Variants in ADGRB2 observed in about 807,000 individuals in gnomAD.
ADGRB2 encodes adhesion G protein-coupled receptor B2.
A neutral mutation model predicts 178.7 loss-of-function variants in ADGRB2; 47 were observed. That is an observed-to-expected ratio of 0.26 (90% CI 0.21 to 0.34). ADGRB2 has a LOEUF of 0.34. Among genes scored for constraint, ADGRB2 ranks in the 10% least tolerant of loss-of-function variants. The pLI, the probability that ADGRB2 is intolerant of heterozygous loss-of-function variation, is 1.00. For missense variants in ADGRB2, 1,584 were observed against 2,180.8 expected, an observed-to-expected ratio of 0.73 and a Z score of 5.45; for synonymous variants, 870 against 912.4, an observed-to-expected ratio of 0.95 and a Z score of 0.84.
In ADGRB2 at chr1:31,733,136, G is replaced by A; in HGVS notation, c.3460C>T (p.Leu1154Phe). The A allele has an allele frequency of 6.3e-7, 1 of 1,580,060 alleles. No individual in the cohort carries two copies. The highest frequency in any genetic ancestry group is 8.6e-7 in the Non-Finnish European group (1 of 1,163,298). Residue 1154 changes from leucine to phenylalanine, a missense_variant, in exon 26 of 33, where the codon CTC (leucine) becomes TTC (phenylalanine). This residue lies in a region of ADGRB2 where 865 missense variants were observed against 1,192.8 expected (regional missense o/e 0.73). Transcript: ENST00000373658. The surrounding 1 kb of genome is among the most constrained non-coding windows in gnomAD (Gnocchi z 4.3). ...GGCAGCACCACGCAGGAGCTCCAGA[G>A]TGAGGCCCTGAGGGGACAGTGGCAG... is the stretch of plus-strand genomic sequence containing the variant. ...SASARNAMASLWSSCVVLPLL... is the reference protein window; with the variant it reads ...SASARNAMASFWSSCVVLPLL...
rs1646732788 is a variant in ADGRB2, at chr1:31,754,449, C to T, written c.838+1550G>A. Among the ~76,000 whole-genome samples the T allele has an allele frequency of 6.6e-6, 1 of 152,256 alleles. No homozygotes were observed. The highest frequency in any genetic ancestry group is 1.5e-5 in the Non-Finnish European group (1 of 68,042). On this transcript the variant is annotated intron_variant, in intron 4 of 32. Coordinates refer to ENST00000373658, the MANE Select transcript of ADGRB2 (RefSeq NM_001364857.2). This position sits in a 1 kb window ranked among gnomAD's most constrained non-coding sequence, Gnocchi z 5.7. Reference sequence around the variant, plus strand: ...GCAGTGGTGGCCATGCAGGAAGAGCCATAAGCCTCCTGATATACGCCTGGC... The same window carrying T: ...GCAGTGGTGGCCATGCAGGAAGAGCTATAAGCCTCCTGATATACGCCTGGC...
At position 31,735,372 on chromosome 1, in the gene ADGRB2, G is replaced by A. The variant is rs1488474778; in HGVS notation, c.3354-91C>T. On this transcript the variant is annotated intron_variant, in intron 24 of 32. Coordinates refer to ENST00000373658, the MANE Select transcript of ADGRB2 (RefSeq NM_001364857.2). This position sits in a 1 kb window ranked among gnomAD's most constrained non-coding sequence, Gnocchi z 6.0. ...ATGAGCCCCGAGTGGGGTGGGAGGG[G>A]AGGGCAGACGAGAGAGAGAGAGCTG... is the stretch of plus-strand genomic sequence containing the variant. 1.0e-6 allele frequency: 1 copy of A among 956,364 alleles called. No individual in the cohort carries two copies. Among genetic ancestry groups the A allele is most frequent in the Non-Finnish European group, 1.6e-6 (1 of 620,790 alleles). 59.2% of individuals were successfully genotyped at this position (956,364 alleles called of 1,614,324 possible). A position where few individuals can be genotyped will look rare whatever the true frequency, so the allele number is the denominator to read the frequency against.
intron 4 of ADGRB2, among the ~76,000 whole-genome samples, chr1:31,748,466 G>T (rs1348401701): frequency 6.6e-6 from 1 of 152,280 alleles, no homozygotes; most frequent in Non-Finnish European, 1.5e-5. Flanking sequence ...AAGAGCAGAG[G>T]TGTCATTTAC....
rs1489480941 is a variant in ADGRB2, at chr1:31,744,341, C to T, written c.939G>A (p.Glu313=). 1.3e-6 allele frequency: 2 copies of T among 1,550,838 alleles called. No homozygotes were observed. The highest frequency in any genetic ancestry group is 1.7e-6 in the Non-Finnish European group (2 of 1,146,886). ...YMAQTGDPAA[E]EWSPWSVCSL... ...AACACACGCTCCACGGGGACCACTC[C>T]TCAGCCGCCGGGTCGCCTACGAGAG... Residue 313 remains glutamate, a synonymous_variant, in exon 6 of 33, where the codon GAG becomes GAA. Transcript: ENST00000373658. The surrounding 1 kb of genome is among the most constrained non-coding windows in gnomAD (Gnocchi z 6.7).
intron 4 of ADGRB2, among the ~76,000 whole-genome samples, chr1:31,748,054 T>C (rs12037019): frequency 0.14 from 20,867 of 152,192 alleles, 2,959 homozygotes; most frequent in African/African-American, 0.36. Context: ...GCCCACCAAA[T>C]GCGGACACGT....
In ADGRB2 at chr1:31,756,964, G is replaced by T; in HGVS notation, c.22-149C>A. 9.3e-7 allele frequency: 1 copy of T among 1,077,410 alleles called. No individual in the cohort carries two copies. The highest frequency in any genetic ancestry group is 1.3e-6 in the Non-Finnish European group (1 of 759,502). The allele number at this position is 1,077,410 out of a possible 1,614,324, so 66.7% of individuals were successfully genotyped here. A position where few individuals can be genotyped will look rare whatever the true frequency, so the allele number is the denominator to read the frequency against. On this transcript the variant is annotated intron_variant, in intron 3 of 32. Coordinates refer to ENST00000373658, the MANE Select transcript of ADGRB2 (RefSeq NM_001364857.2). This position sits in a 1 kb window ranked among gnomAD's most constrained non-coding sequence, Gnocchi z 8.5. ...GTCCACCTGTGTGAACTTAGACAAGGGACTTGACCTCTCTGAGCCTCAGTT... is the reference window on the plus strand; with the variant it reads ...GTCCACCTGTGTGAACTTAGACAAGTGACTTGACCTCTCTGAGCCTCAGTT...
chr1:31,733,298 T>C lies in ADGRB2; in HGVS notation c.3453-155A>G, dbSNP rs1645391862. ...GTAATGTCCCCAAGCAGAGAGGGGC[T>C]GAGGAGCCAGAGCCAGAGAAACAGA... On this transcript the variant is annotated intron_variant, in intron 25 of 32. Transcript: ENST00000373658. The surrounding 1 kb of genome is among the most constrained non-coding windows in gnomAD (Gnocchi z 4.3). 6.6e-6 allele frequency among the ~76,000 whole-genome samples: 1 copy of C among 151,750 alleles called. No homozygotes were observed. Among genetic ancestry groups the C allele is most frequent in the African/African-American group, 2.4e-5 (1 of 41,260 alleles).
chr1:31,760,959 C>T (rs1178618232), intron 1 of ADGRB2: 1 of 151,764 alleles, frequency 6.6e-6, no homozygotes, highest in Non-Finnish European at 1.5e-5. Flanking sequence ...GGGGTTCCTC[C>T]TTAAGGAGGA....
rs901757474 is a variant in ADGRB2 at position 31,755,250 on chromosome 1, G to C, written c.838+749C>G. On this transcript the variant is annotated intron_variant, in intron 4 of 32. Coordinates refer to ENST00000373658, the MANE Select transcript of ADGRB2 (RefSeq NM_001364857.2). The surrounding 1 kb of genome is among the most constrained non-coding windows in gnomAD (Gnocchi z 5.1). ...CTTGAAGCTGCAGGAAGCAGGGTCT[G>C]TAGAAGGCAGCCGTGGCTGAGGGAG... 1.3e-5 allele frequency among the ~76,000 whole-genome samples: 2 copies of C among 152,238 alleles called. No homozygotes were observed. Among genetic ancestry groups the C allele is most frequent in the African/African-American group, 2.4e-5 (1 of 41,466 alleles).
chr1:31,756,015 T>A lies in ADGRB2; in HGVS notation c.822A>T (p.Thr274=), dbSNP rs1371471695. ...LHSGSSNDLF[T]TEMRYGEEPE... ...GAGACTCACCATATCTCATCTCGGT[T>A]GTGAACAGATCATTGCTGCTCCCCG... is the stretch of plus-strand genomic sequence containing the variant. The change falls in exon 4 of 33, where the codon ACA becomes ACT. Residue 274 remains threonine (T), a synonymous_variant. Coordinates refer to ENST00000373658, the MANE Select transcript of ADGRB2 (RefSeq NM_001364857.2). The surrounding 1 kb of genome is among the most constrained non-coding windows in gnomAD (Gnocchi z 8.5). 2 of 1,612,786 alleles carry A rather than the reference T, an allele frequency of 1.2e-6. No homozygotes were observed. The highest frequency in any genetic ancestry group is 3.3e-5 in the Admixed American group (2 of 59,960).
Position 31,732,115 on chromosome 1 carries a change from C to T in ADGRB2, c.3760G>A (p.Val1254Met). The change falls in exon 28 of 33, where the codon GTG becomes ATG. Residue 1254 changes from valine (V) to methionine (M), a missense_variant and splice_region_variant. Coordinates refer to ENST00000373658, the MANE Select transcript of ADGRB2 (RefSeq NM_001364857.2). The part of the protein sequence containing the change: ...EKDVDLACQT[V>M]LFKEVNTCNP... The stretch of plus-strand genomic sequence containing the variant: ...CTCAGTTCTGCCACGGCACACTCAC[C>T]TGTTTGACAAGCCAGATCCACATCC... 6.2e-7 allele frequency: 1 copy of T among 1,614,072 alleles called. No individual in the cohort carries two copies. The highest frequency in any genetic ancestry group is 8.5e-7 in the Non-Finnish European group (1 of 1,179,966).
At chr1:31,739,182 G>T in intron 15 of ADGRB2, 126 bp downstream of exon 15, 1 of 1,094,118 alleles carries the variant, frequency 9.1e-7, no homozygotes. Context: ...AGCCAGGCAA[G>T]GGGTTCCTGA....
At position 31,727,276 on chromosome 1, in the gene ADGRB2, C is replaced by A; in HGVS notation, c.*144G>T. 1 of 1,049,840 alleles carries A rather than the reference C, an allele frequency of 9.5e-7. No individual in the cohort carries two copies. The highest frequency in any genetic ancestry group is 1.3e-6 in the Non-Finnish European group (1 of 770,796). The allele number at this position is 1,049,840 out of a possible 1,614,324, so 65.0% of individuals were successfully genotyped here. A position where few individuals can be genotyped will look rare whatever the true frequency, so the allele number is the denominator to read the frequency against. On this transcript the variant is annotated 3_prime_UTR_variant, in exon 33 of 33. Transcript: ENST00000373658. This position sits in a 1 kb window ranked among gnomAD's most constrained non-coding sequence, Gnocchi z 4.4. ...CCCCAGGCCAAGCCATGTCCGGCTC[C>A]CCCAGCCTGGCTGAGTCCACGGCGC...
In ADGRB2 at chr1:31,738,885, T is replaced by A; in HGVS notation, c.2548A>T (p.Thr850Ser). The A allele has an allele frequency of 6.2e-7, 1 of 1,613,738 alleles. No individual in the cohort carries two copies. The highest frequency in any genetic ancestry group is 8.5e-7 in the Non-Finnish European group (1 of 1,179,972). The change falls in exon 16 of 33, where the codon ACC becomes TCC. Residue 850 changes from threonine (T) to serine (S), a missense_variant. Thr to Ser is a moderately conservative substitution (Grantham distance 58). Coordinates refer to ENST00000373658, the MANE Select transcript of ADGRB2 (RefSeq NM_001364857.2). ...RVMTVTVRPP[T>S]QPPAEPLITV... ...ATGAGGGGCTCAGCTGGAGGCTGGG[T>A]AGGGGGGCGCACAGTCACTGTCATC...
Position 31,728,581 on chromosome 1 carries a change from AC to A in ADGRB2, c.4416+16del, listed in dbSNP as rs750070177. The A allele has an allele frequency of 5.6e-6, 9 of 1,613,566 alleles. No homozygotes were observed. On this transcript the variant is annotated intron_variant, in intron 30 of 32. Coordinates refer to ENST00000373658, the MANE Select transcript of ADGRB2 (RefSeq NM_001364857.2). This position sits in a 1 kb window ranked among gnomAD's most constrained non-coding sequence, Gnocchi z 6.7. ...ACAGCCAGATGTCCCACCGCCCAGC[AC>A]ACACATGGCCCTTACCTCAAAGTCC...
chr1:31,730,104 A>G (rs915882605), intron 29 of ADGRB2, among the ~76,000 whole-genome samples: 1 of 152,170 alleles, frequency 6.6e-6, no homozygotes, highest in Non-Finnish European at 1.5e-5. Flanking sequence ...CTAGAGTTCC[A>G]CAGCAGGCCA....
In ADGRB2 at chr1:31,741,493, G is replaced by A. The variant is rs1645963601; in HGVS notation, c.1688-14C>T. The A allele has an allele frequency of 6.3e-7, 1 of 1,584,788 alleles. No homozygotes were observed. Among genetic ancestry groups the A allele is most frequent in the African/African-American group, 1.3e-5 (1 of 74,632 alleles). On this transcript the variant is annotated splice_polypyrimidine_tract_variant and intron_variant, in intron 10 of 32. Coordinates refer to ENST00000373658, the MANE Select transcript of ADGRB2 (RefSeq NM_001364857.2). This position sits in a 1 kb window ranked among gnomAD's most constrained non-coding sequence, Gnocchi z 6.5. ...GGCTGGCAGACCCTGCAGGGCAATA[G>A]GACAGAGGTCTGGGCATGGGGGCCG...
chr1:31,748,663 G>T (rs1646401245), intron 4 of ADGRB2, among the ~76,000 whole-genome samples: 1 of 152,254 alleles, frequency 6.6e-6, no homozygotes, highest in Non-Finnish European at 1.5e-5. Context: ...CGGCTTGTGG[G>T]CCAGGTGCCC....
At position 31,753,866 on chromosome 1, in the gene ADGRB2, G is replaced by A. The variant is rs1451855655; in HGVS notation, c.838+2133C>T. 1.3e-5 allele frequency among the ~76,000 whole-genome samples: 2 copies of A among 152,198 alleles called. No homozygotes were observed. Among genetic ancestry groups the A allele is most frequent in the Admixed American group, 6.5e-5 (1 of 15,282 alleles). On this transcript the variant is annotated intron_variant, in intron 4 of 32. Coordinates refer to ENST00000373658, the MANE Select transcript of ADGRB2 (RefSeq NM_001364857.2). The surrounding 1 kb of genome is among the most constrained non-coding windows in gnomAD (Gnocchi z 4.1). ...TCCTGCCTGCCAAGGGAGGGGAAGG[G>A]GCTGTGCCAGCCCAGCTCTGGGCAC...
Sources: allele counts gnomAD v4.1 joint callset (sites outside exome capture counted in the v4.1 genomes callset), GRCh38; gene constraint gnomAD v4.1.1; regional missense constraint gnomAD v4.1.1; non-coding constraint Gnocchi (gnomAD v3.1); transcripts MANE v1.5; gene names NCBI Gene and HGNC (gene_info 2026-07-23, HGNC 2026-07-21).